KANTR: variants seen among roughly 807,000 people sequenced by gnomAD.
The protein encoded by KANTR is KANTR integral membrane protein.
At chrX:53,143,959 G>A, downstream of KANTR, 1 of 298,740 alleles carries the variant, frequency 3.3e-6, no homozygotes, top group Non-Finnish European at 6.2e-6. Flanking sequence ...GGAAGACACG[G>A]TGTGGGGGCT....
downstream of KANTR, among the ~76,000 whole-genome samples, chrX:53,146,832 A>G (rs1569243106): frequency 8.9e-6 from 1 of 112,001 alleles, no homozygotes; most frequent in Non-Finnish European, 1.9e-5. Context: ...TTCTTAAAAG[A>G]ATTTTCAACC....
At chrX:53,104,457 C>T (rs889138187) in intron 2 of KANTR, among the ~76,000 whole-genome samples, 1 of 109,904 alleles carries the variant, frequency 9.1e-6, no homozygotes, top group Admixed American at 9.8e-5. Context: ...AAACTCCTGA[C>T]CTCAAGTGAT....
At chrX:53,129,235 T>TTG (rs57493383), downstream of KANTR, among the ~76,000 whole-genome samples, 2,008 of 83,316 alleles carry the variant, frequency 0.024, 61 homozygotes, top group African/African-American at 0.073. Context: ...GCCTGGCTAT[T>TTG]TGTGTGTGTG....
At chrX:53,147,833 A>G (rs180887705) in intron 3 of KANTR, among the ~76,000 whole-genome samples, 2 of 112,034 alleles carry the variant, frequency 1.8e-5, no homozygotes. Context: ...CCGCTCAACT[A>G]CATGGAAACT....
At position 53,099,917 on chromosome X, in the gene KANTR, A is replaced by C. The variant is rs1194444454; in HGVS notation, c.-805+309A>C. Reference sequence around the variant, plus strand: ...CAACAGTGGGCTTAAAATATTTAATAAACTATGCTATAAACAGATTTGCTA... The same window carrying C: ...CAACAGTGGGCTTAAAATATTTAATCAACTATGCTATAAACAGATTTGCTA... On this transcript the variant is annotated intron_variant, in intron 2 of 2. Transcript: ENST00000604062. 1.6e-4 allele frequency among the ~76,000 whole-genome samples: 18 copies of C among 112,159 alleles called. No homozygotes were observed. The Admixed American group carries it at 1.7e-3, about 11-fold the overall frequency.
chrX:53,116,335 A>G (rs1298058392), intron 2 of KANTR, among the ~76,000 whole-genome samples: 1 of 112,136 alleles, frequency 8.9e-6, no homozygotes, highest in Non-Finnish European at 1.9e-5. Flanking sequence ...TTCACTTTGT[A>G]CTTGCACAGG....
chrX:53,120,477 A>G (rs1933200972), intron 2 of KANTR, among the ~76,000 whole-genome samples: 1 of 111,629 alleles, frequency 9.0e-6, no homozygotes, highest in South Asian at 3.7e-4. Flanking sequence ...AGCCTGACAT[A>G]GCTCTCTATT....
At chrX:53,117,993 T>C (rs1308467592) in intron 2 of KANTR, among the ~76,000 whole-genome samples, 1 of 111,962 alleles carries the variant, frequency 8.9e-6, no homozygotes, top group Non-Finnish European at 1.9e-5. Context: ...TTGTTACATG[T>C]AGCTAGAGTT....
At chrX:53,138,990 G>A (rs1447188596) in intron 2 of KANTR, among the ~76,000 whole-genome samples, 3 of 110,055 alleles carry the variant, frequency 2.7e-5, no homozygotes, top group Non-Finnish European at 3.8e-5. Context: ...TGTGGTGGGC[G>A]GATCACTTGA....
intron 2 of KANTR, among the ~76,000 whole-genome samples, chrX:53,102,573 T>A (rs1379440023): frequency 8.9e-6 from 1 of 112,357 alleles, no homozygotes; most frequent in African/African-American, 3.2e-5. Context: ...TTTGTCCTGA[T>A]ACCAGTTTTG....
chrX:53,140,960 G>A (rs782794570), intron 2 of KANTR, among the ~76,000 whole-genome samples: 2 of 111,436 alleles, frequency 1.8e-5, no homozygotes, highest in Admixed American at 9.5e-5. Context: ...TTAGGAGTTC[G>A]AGACCAGCCT....
chrX:53,110,228 A>G (rs1556813497), intron 2 of KANTR, among the ~76,000 whole-genome samples: 2 of 112,005 alleles, frequency 1.8e-5, no homozygotes. Flanking sequence ...AGAGTTCCTC[A>G]TCTTAAAGGA....
At chrX:53,135,673 G>C (rs17002131) in intron 2 of KANTR, among the ~76,000 whole-genome samples, 10,471 of 111,665 alleles carry the variant, frequency 0.094, 1,216 homozygotes, top group African/African-American at 0.33. Flanking sequence ...TGCGCTGCAG[G>C]CCAGTTGGAG....
downstream of KANTR, chrX:53,143,271 T>C: frequency 1.7e-6 from 1 of 599,407 alleles, no homozygotes; most frequent in East Asian, 3.4e-5. Context: ...CAGGGCGATG[T>C]AGCACACCTT....
intron 2 of KANTR, among the ~76,000 whole-genome samples, chrX:53,122,911 G>A (rs1556815712): frequency 1.8e-5 from 2 of 110,882 alleles, no homozygotes; most frequent in South Asian, 3.7e-4. Flanking sequence ...TTGGCTTTTG[G>A]CAGTAAGGTT....
chrX:53,136,536 CTTT>C (rs57543669), intron 2 of KANTR, among the ~76,000 whole-genome samples: 1 of 53,187 alleles, frequency 1.9e-5, no homozygotes, highest in Non-Finnish European at 3.6e-5. Context: ...CCGTTCCCGG[CTTT>C]TTTTTTTTTT....
chrX:53,145,674 G>C (rs1556819220), downstream of KANTR, among the ~76,000 whole-genome samples: 1 of 111,927 alleles, frequency 8.9e-6, no homozygotes, highest in African/African-American at 3.2e-5. Flanking sequence ...CACGCAGCTG[G>C]AGATCTGAGA....
At chrX:53,098,305 C>A in intron 1 of KANTR, among the ~76,000 whole-genome samples, 1 of 111,417 alleles carries the variant, frequency 9.0e-6, no homozygotes, top group South Asian at 3.7e-4. Context: ...TACTATATTG[C>A]TAAAAAATGC....
At chrX:53,143,776 C>A, downstream of KANTR, 1 of 532,870 alleles carries the variant, frequency 1.9e-6, no homozygotes. Context: ...CTGGCCCATG[C>A]CCACCATCAC....
Sources: gnomAD v4.1 joint callset for allele counts (sites outside exome capture counted in the v4.1 genomes callset) on GRCh38, gnomAD v4.1.1 for gene constraint, MANE v1.5 for transcripts, NCBI Gene and HGNC (gene_info 2026-07-23, HGNC 2026-07-21) for gene names.